NPAS3: variants seen among roughly 807,000 people sequenced by gnomAD.
The protein encoded by NPAS3 is neuronal PAS domain-containing protein 3.
In NPAS3, 14 loss-of-function variants were observed where a neutral mutation model predicts 73.1. The observed-to-expected ratio is 0.19, with a 90% CI of 0.13 to 0.30. The LOEUF (loss-of-function observed/expected upper bound fraction) is 0.30. Ranked by LOEUF, NPAS3 falls within the 10% of genes least tolerant of loss-of-function variation. NPAS3 has a pLI of 1.00. For missense variants in NPAS3, 1,096 were observed against 1,250.0 expected, an observed-to-expected ratio of 0.88 and a Z score of 1.86; for synonymous variants, 620 against 541.5, an observed-to-expected ratio of 1.14 and a Z score of -2.01.
intron 4 of NPAS3, among the ~76,000 whole-genome samples, chr14:33,499,872 G>C (rs1242088495): frequency 6.6e-6 from 1 of 151,900 alleles, no homozygotes; most frequent in African/African-American, 2.4e-5. Context: ...CCTTCTCGCA[G>C]TGAGGCACAG....
intron 2 of NPAS3, among the ~76,000 whole-genome samples, chr14:33,159,743 C>T (rs533009452): frequency 3.9e-5 from 6 of 152,008 alleles, no homozygotes; most frequent in African/African-American, 7.2e-5. Flanking sequence ...TGAGTAGAGA[C>T]GGGGTTTCAC....
chr14:33,261,104 T>G (rs2048960743), intron 3 of NPAS3, among the ~76,000 whole-genome samples: 2 of 152,168 alleles, frequency 1.3e-5, no homozygotes, highest in African/African-American at 4.8e-5. Flanking sequence ...TTTGTTTATT[T>G]CAATGCTAGC....
At chr14:33,249,339 G>T (rs527472213) in intron 3 of NPAS3, among the ~76,000 whole-genome samples, 5 of 87,742 alleles carry the variant, frequency 5.7e-5, no homozygotes, top group Admixed American at 5.3e-4. Flanking sequence ...TTTAATTCCC[G>T]TCCCCCCCAC....
At chr14:33,132,947 GT>G (rs982982528) in intron 2 of NPAS3, among the ~76,000 whole-genome samples, 2 of 152,270 alleles carry the variant, frequency 1.3e-5, no homozygotes, top group Non-Finnish European at 2.9e-5. Context: ...AGTCTTAAGT[GT>G]TTGTCCAAAC....
At chr14:33,025,283 T>G (rs1162942295) in intron 1 of NPAS3, among the ~76,000 whole-genome samples, 1 of 152,192 alleles carries the variant, frequency 6.6e-6, no homozygotes, top group Non-Finnish European at 1.5e-5. Flanking sequence ...CACTCTAAGT[T>G]TCTGAGTCTT....
At position 33,039,203 on chromosome 14, in the gene NPAS3, A is replaced by G. The variant is rs76560055; in HGVS notation, c.51-16702A>G. Among the ~76,000 whole-genome samples the G allele has an allele frequency of 9.2e-5, 14 of 152,284 alleles. No individual in the cohort carries two copies. In the East Asian group the frequency reaches 2.5e-3, roughly 27 times the overall value. On this transcript the variant is annotated intron_variant, in intron 1 of 11. Coordinates refer to ENST00000356141, the Ensembl canonical transcript of NPAS3. The stretch of plus-strand genomic sequence containing the variant: ...GGTTATTCTGCAGTTTGTCACTTGC[A>G]TACATTTTATGCTTTTACATTCATG...
At chr14:33,715,462 C>T (rs1045962653) in intron 6 of NPAS3, among the ~76,000 whole-genome samples, 1 of 152,106 alleles carries the variant, frequency 6.6e-6, no homozygotes, top group Non-Finnish European at 1.5e-5. Context: ...AAGGAGACTC[C>T]TTAGAGTTGT....
At chr14:33,172,579 T>TA (rs1407741657) in intron 2 of NPAS3, among the ~76,000 whole-genome samples, 5 of 151,706 alleles carry the variant, frequency 3.3e-5, no homozygotes, top group Admixed American at 6.6e-5. Context: ...CTACAAAAAA[T>TA]AAAAAAATTA....
At chr14:33,779,883 C>A (rs1300741305) in intron 9 of NPAS3, among the ~76,000 whole-genome samples, 1 of 152,226 alleles carries the variant, frequency 6.6e-6, no homozygotes. Context: ...AAAGTTGAAG[C>A]ATTTATACAG....
At chr14:33,197,949 G>C (rs189979553) in intron 2 of NPAS3, among the ~76,000 whole-genome samples, 1 of 152,170 alleles carries the variant, frequency 6.6e-6, no homozygotes, top group Admixed American at 6.5e-5. Flanking sequence ...ATGTTCGGAC[G>C]TGTTCGGAGT....
At chr14:33,678,364 A>AGCCTAGCTTC (rs1555311438) in intron 6 of NPAS3, among the ~76,000 whole-genome samples, 42 of 152,180 alleles carry the variant, frequency 2.8e-4, no homozygotes, top group African/African-American at 9.6e-4. Flanking sequence ...CTTCTTCCCT[A>AGCCTAGCTTC]TCCTAGCTTC....
At chr14:33,684,710 A>G (rs1270536754) in intron 6 of NPAS3, among the ~76,000 whole-genome samples, 3 of 152,220 alleles carry the variant, frequency 2.0e-5, no homozygotes, top group East Asian at 3.9e-4. Flanking sequence ...TGCATCAGCC[A>G]TAGGCCTCCC....
downstream of NPAS3, chr14:33,803,595 C>T (rs2063764193): frequency 6.6e-6 from 1 of 151,606 alleles, no homozygotes; most frequent in South Asian, 2.1e-4. Context: ...AGCTAGACAG[C>T]TGTTTTTTTT....
chr14:33,800,097 A>C lies in NPAS3; in HGVS notation c.1790A>C (p.His597Pro), dbSNP rs376867231. Residue 597 changes from histidine (H) to proline (P), a missense_variant, in exon 12 of 12, where the codon CAC (histidine) becomes CCC (proline). This residue lies in a region of NPAS3 where 698 missense variants were observed against 676.7 expected (regional missense o/e 1.03). Coordinates refer to ENST00000356141, the Ensembl canonical transcript of NPAS3. The surrounding 1 kb of genome is among the most constrained non-coding windows in gnomAD (Gnocchi z 6.5). Reference sequence around the variant, plus strand: ...GCGGGCGCGCAGGCCTCCAGCAAGCACCAGAAGCGCAAGAAAAGGCGGAAA... The same window carrying C: ...GCGGGCGCGCAGGCCTCCAGCAAGCCCCAGAAGCGCAAGAAAAGGCGGAAA... The C allele has an allele frequency of 7.5e-6, 12 of 1,589,484 alleles. No individual in the cohort carries two copies. The highest frequency in any genetic ancestry group is 1.0e-5 in the Non-Finnish European group (12 of 1,171,306).
Position 33,360,570 on chromosome 14 carries a change from AC to A in NPAS3, c.386-6613del, listed in dbSNP as rs552244400. Among the ~76,000 whole-genome samples the A allele has an allele frequency of 2.6e-4, 39 of 152,308 alleles. 1 individual carries two copies. Among genetic ancestry groups the A allele is most frequent in the African/African-American group, 8.9e-4 (37 of 41,576 alleles). ...AATCCCTGTGACATCAAGTGGTTGA[AC>A]CCAATAAATACTTAGGAAAGCCTTG... On this transcript the variant is annotated intron_variant, in intron 3 of 11. Transcript: ENST00000356141.
At chr14:33,576,917 C>T (rs906533898) in intron 5 of NPAS3, among the ~76,000 whole-genome samples, 6 of 152,180 alleles carry the variant, frequency 3.9e-5, no homozygotes, top group African/African-American at 1.4e-4. Flanking sequence ...TTGAGTCCTT[C>T]TCTTTGAAAG....
At chr14:33,485,355 A>G (rs930323263) in intron 4 of NPAS3, among the ~76,000 whole-genome samples, 2 of 152,156 alleles carry the variant, frequency 1.3e-5, no homozygotes, top group Non-Finnish European at 2.9e-5. Flanking sequence ...AAACTACTTC[A>G]TTTAAGTCGG....
At chr14:33,329,843 G>A (rs2043900496) in intron 3 of NPAS3, among the ~76,000 whole-genome samples, 1 of 151,862 alleles carries the variant, frequency 6.6e-6, no homozygotes, top group Non-Finnish European at 1.5e-5. Context: ...AGAGAGAGAA[G>A]TGCTTAAAAC....
chr14:33,592,247 G>A (rs1161927361), intron 5 of NPAS3, among the ~76,000 whole-genome samples: 1 of 152,014 alleles, frequency 6.6e-6, no homozygotes, highest in African/African-American at 2.4e-5. Context: ...CTAAAACAAA[G>A]GTAGCTGACT....
Sources: allele counts gnomAD v4.1 joint callset (sites outside exome capture counted in the v4.1 genomes callset), GRCh38; gene constraint gnomAD v4.1.1; regional missense constraint gnomAD v4.1.1; non-coding constraint Gnocchi (gnomAD v3.1); transcripts MANE v1.5; gene names NCBI Gene and HGNC (gene_info 2026-07-23, HGNC 2026-07-21).